The following DCC variants were observed in gnomAD, a reference collection of about 807,000 sequenced individuals.
The protein encoded by DCC is DCC netrin 1 receptor, also known as netrin receptor DCC.
DCC carries 58 observed loss-of-function variants against 172.5 expected under a neutral mutation model. That is an observed-to-expected ratio of 0.34 (90% CI 0.27 to 0.42). DCC has a LOEUF of 0.42. Ranked by LOEUF, DCC falls within the 10% of genes least tolerant of loss-of-function variation. The pLI is 1.00. For missense variants in DCC, 1,740 were observed against 1,791.0 expected (o/e 0.97, Z 0.51); for synonymous variants, 709 against 644.5 (o/e 1.10, Z -1.52).
chr18:52,393,264 C>T (rs1056849218), intron 1 of DCC, among the ~76,000 whole-genome samples: 5 of 152,024 alleles, frequency 3.3e-5, no homozygotes, highest in Admixed American at 6.6e-5. Context: ...CTGACTTGGA[C>T]CATACGGAAT....
intron 2 of DCC, among the ~76,000 whole-genome samples, chr18:52,887,360 C>T (rs1295043446): frequency 6.6e-6 from 1 of 151,558 alleles, no homozygotes; most frequent in Non-Finnish European, 1.5e-5. Context: ...GAGAGCCAAA[C>T]ATATTATTTT....
At chr18:52,873,470 C>G (rs1235993757) in intron 2 of DCC, among the ~76,000 whole-genome samples, 1 of 152,212 alleles carries the variant, frequency 6.6e-6, no homozygotes, top group Non-Finnish European at 1.5e-5. Context: ...CTCTTCCATT[C>G]AACTTGGATT....
chr18:52,378,162 G>A (rs1302590881), intron 1 of DCC, among the ~76,000 whole-genome samples: 3 of 152,054 alleles, frequency 2.0e-5, no homozygotes, highest in African/African-American at 7.2e-5. Flanking sequence ...AATTTAGGAG[G>A]ATAGATCTAA....
At chr18:53,412,208 A>C (rs1157616854) in intron 20 of DCC, among the ~76,000 whole-genome samples, 1 of 152,182 alleles carries the variant, frequency 6.6e-6, no homozygotes, top group Non-Finnish European at 1.5e-5. Flanking sequence ...TGGTTCAAAG[A>C]GTTATTTCTA....
At chr18:53,365,446 GAAAAAA>G (rs34872630) in intron 15 of DCC, among the ~76,000 whole-genome samples, 1 of 132,548 alleles carries the variant, frequency 7.5e-6, no homozygotes, top group African/African-American at 2.7e-5. Flanking sequence ...TCATCCCACT[GAAAAAA>G]AAAAAAAAGA....
intron 2 of DCC, among the ~76,000 whole-genome samples, chr18:52,887,888 C>T (rs948898563): frequency 3.9e-5 from 6 of 152,044 alleles, no homozygotes; most frequent in African/African-American, 1.4e-4. Flanking sequence ...AAGTAGGAGA[C>T]CTTTCTTATG....
intron 27 of DCC, among the ~76,000 whole-genome samples, chr18:53,508,021 G>GT (rs71179515): frequency 0.92 from 138,535 of 151,400 alleles, 63,509 homozygotes; most frequent in African/African-American, 0.97. Flanking sequence ...AGCCTCCCGA[G>GT]AGCTGGGACT....
At chr18:52,798,036 G>C (rs2037910598) in intron 2 of DCC, among the ~76,000 whole-genome samples, 1 of 149,970 alleles carries the variant, frequency 6.7e-6, no homozygotes, top group Admixed American at 6.6e-5. Context: ...CCAGATGCCA[G>C]GTTGCTTGCA....
At chr18:53,081,049 C>T (rs1254712995) in intron 7 of DCC, among the ~76,000 whole-genome samples, 1 of 151,956 alleles carries the variant, frequency 6.6e-6, no homozygotes, top group Non-Finnish European at 1.5e-5. Context: ...ACTATCGCTG[C>T]CAGGACTGGA....
At position 52,732,176 on chromosome 18, in the gene DCC, T is replaced by C. The variant is rs375786161; in HGVS notation, c.92-19878T>C. Among the ~76,000 whole-genome samples the C allele has an allele frequency of 2.6e-5, 4 of 152,198 alleles. No individual in the cohort carries two copies. The East Asian group carries it at 7.7e-4, about 29-fold the overall frequency. ...AAAAGCTACTGACTCCTCCCATACA[T>C]ACCCACGAAGTGATGGTATTTTGAA... On this transcript the variant is annotated intron_variant, in intron 1 of 28. Coordinates refer to ENST00000442544, the MANE Select transcript of DCC (RefSeq NM_005215.4).
At chr18:52,737,959 A>G (rs2145107006) in intron 1 of DCC, among the ~76,000 whole-genome samples, 1 of 152,274 alleles carries the variant, frequency 6.6e-6, no homozygotes, top group African/African-American at 2.4e-5. Flanking sequence ...GGGTCATCAG[A>G]CTACAGCCCA....
intron 7 of DCC, among the ~76,000 whole-genome samples, chr18:53,117,912 C>A (rs1052192748): frequency 1.3e-5 from 2 of 151,724 alleles, no homozygotes; most frequent in Non-Finnish European, 2.9e-5. Flanking sequence ...TTCCCCCATT[C>A]ATTTAAAAAT....
rs115427343 is a variant in DCC at position 52,378,748 on chromosome 18, A to T, written c.91+37870A>T. Among the ~76,000 whole-genome samples the T allele has an allele frequency of 4.0e-3, 608 of 152,104 alleles. 6 individuals carry two copies. The highest frequency in any genetic ancestry group is 0.014 in the African/African-American group (583 of 41,488). ...CTTTTTGTAGATATGGGGTTTTGTC[A>T]TGTAGCCCAGACTGTTCTGGAACTC... On this transcript the variant is annotated intron_variant, in intron 1 of 28. Coordinates refer to ENST00000442544, the MANE Select transcript of DCC (RefSeq NM_005215.4).
At chr18:53,426,440 T>A (rs62098285) in intron 21 of DCC, among the ~76,000 whole-genome samples, 61,227 of 143,724 alleles carry the variant, frequency 0.43, 14,783 homozygotes, top group Non-Finnish European at 0.55. Context: ...TTTATATTAT[T>A]TATATATTTA....
chr18:53,510,562 G>C (rs2046238497), intron 27 of DCC, among the ~76,000 whole-genome samples: 1 of 152,096 alleles, frequency 6.6e-6, no homozygotes. Flanking sequence ...AGAAAGGAGT[G>C]CAAAAACAAG....
intron 5 of DCC, among the ~76,000 whole-genome samples, chr18:52,933,963 T>C (rs1170077497): frequency 6.6e-6 from 1 of 152,038 alleles, no homozygotes; most frequent in African/African-American, 2.4e-5. Flanking sequence ...AGGCACAGCT[T>C]TGGGTGTTCT....
rs2045640989 is a variant in DCC at position 53,467,891 on chromosome 18, T to C, written c.3620-3T>C. 7.3e-6 allele frequency: 11 copies of C among 1,510,182 alleles called. No individual in the cohort carries two copies. The highest frequency in any genetic ancestry group is 1.0e-5 in the Non-Finnish European group (11 of 1,085,058). The allele number at this position is 1,510,182 out of a possible 1,614,324, so 93.5% of individuals were successfully genotyped here. ...ATGTTTCTCAGGAGTGTGTATTTTT[T>C]AGGTCAAGACACTGAGGAAGCAGGG... On this transcript the variant is annotated splice_region_variant and splice_polypyrimidine_tract_variant and intron_variant, in intron 24 of 28. Coordinates refer to ENST00000442544, the MANE Select transcript of DCC (RefSeq NM_005215.4).
At chr18:52,809,112 G>T (rs1342509744) in intron 2 of DCC, among the ~76,000 whole-genome samples, 1 of 152,188 alleles carries the variant, frequency 6.6e-6, no homozygotes, top group African/African-American at 2.4e-5. Flanking sequence ...TTTGGGTGCA[G>T]CAGGGATCCA....
At chr18:52,871,439 A>G (rs1435233401) in intron 2 of DCC, among the ~76,000 whole-genome samples, 4 of 152,104 alleles carry the variant, frequency 2.6e-5, no homozygotes, top group African/African-American at 4.8e-5. Flanking sequence ...TTTTAGGCTC[A>G]CATTCTACCC....
Sources: gnomAD v4.1 joint callset for allele counts (sites outside exome capture counted in the v4.1 genomes callset) on GRCh38, gnomAD v4.1.1 for gene constraint, MANE v1.5 for transcripts, NCBI Gene and HGNC (gene_info 2026-07-23, HGNC 2026-07-21) for gene names.